The following CDC42BPA variants were observed in gnomAD, a reference collection of about 807,000 sequenced individuals.
The protein encoded by CDC42BPA is serine/threonine-protein kinase MRCK alpha.
A neutral mutation model predicts 223.5 loss-of-function variants in CDC42BPA; 80 were observed. The ratio of observed to expected loss-of-function variants is 0.36; its 90% confidence interval spans 0.30 to 0.43. The LOEUF (loss-of-function observed/expected upper bound fraction) is 0.43. CDC42BPA is among the 20% of genes least tolerant of loss of function. CDC42BPA has a pLI of 1.00. For missense variants in CDC42BPA, 1,743 were observed against 2,099.9 expected (o/e 0.83, Z 3.32); for synonymous variants, 694 against 718.6 (o/e 0.97, Z 0.55).
intron 1 of CDC42BPA, among the ~76,000 whole-genome samples, chr1:227,268,656 A>G (rs1011625139): frequency 7.9e-4 from 108 of 136,064 alleles, no homozygotes; most frequent in Non-Finnish European, 1.1e-3. Flanking sequence ...GTGTGTGTAT[A>G]TATATATATA....
chr1:227,201,238 T>A (rs1002429057), intron 3 of CDC42BPA, among the ~76,000 whole-genome samples: 2 of 152,090 alleles, frequency 1.3e-5, no homozygotes, highest in Non-Finnish European at 2.9e-5. Context: ...CCCAGGCTCC[T>A]GGGCTCAAGT....
chr1:227,027,521 T>C (rs4653477), intron 30 of CDC42BPA, among the ~76,000 whole-genome samples: 137,889 of 152,186 alleles, frequency 0.91, 62,508 homozygotes, highest in African/African-American at 0.91. Flanking sequence ...AACTTTTCCA[T>C]GTAGTTCCCT....
intron 33 of CDC42BPA, among the ~76,000 whole-genome samples, chr1:227,016,400 G>A (rs1052656722): frequency 2.0e-5 from 3 of 152,128 alleles, no homozygotes; most frequent in Non-Finnish European, 4.4e-5. Context: ...ACGATTTTAG[G>A]TGGAATAGTA....
At chr1:227,210,358 G>A (rs967089360) in intron 3 of CDC42BPA, among the ~76,000 whole-genome samples, 13 of 152,064 alleles carry the variant, frequency 8.5e-5, no homozygotes, top group African/African-American at 1.9e-4. Context: ...GTCTTATACC[G>A]TAAGGTCCTG....
At chr1:227,310,583 A>G (rs780080265) in intron 1 of CDC42BPA, among the ~76,000 whole-genome samples, 1 of 152,158 alleles carries the variant, frequency 6.6e-6, no homozygotes, top group African/African-American at 2.4e-5. Context: ...CATAGGAAGG[A>G]AGTGTGTAGA....
chr1:227,079,068 T>C (rs1680090941), intron 17 of CDC42BPA, among the ~76,000 whole-genome samples: 1 of 152,146 alleles, frequency 6.6e-6, no homozygotes, highest in African/African-American at 2.4e-5. Flanking sequence ...CTTTATAAAC[T>C]TGGATATTGT....
At chr1:227,276,114 G>A (rs1029221813) in intron 1 of CDC42BPA, among the ~76,000 whole-genome samples, 3 of 151,744 alleles carry the variant, frequency 2.0e-5, no homozygotes, top group Non-Finnish European at 4.4e-5. Context: ...TCTGGGAAGT[G>A]AGGAGCGCCT....
chr1:227,151,085 A>G (rs941258459), intron 6 of CDC42BPA, among the ~76,000 whole-genome samples: 1 of 152,146 alleles, frequency 6.6e-6, no homozygotes, highest in Non-Finnish European at 1.5e-5. Flanking sequence ...TTGTGCAACC[A>G]GTCCCCACCA....
intron 2 of CDC42BPA, among the ~76,000 whole-genome samples, chr1:227,230,728 ATTT>A (rs751458697): frequency 2.1e-4 from 32 of 150,702 alleles, no homozygotes; most frequent in Admixed American, 1.3e-3. Context: ...GCATCTATAC[ATTT>A]TTATGTGTAG....
At chr1:227,214,096 GA>G (rs1206613214) in intron 2 of CDC42BPA, among the ~76,000 whole-genome samples, 2 of 151,882 alleles carry the variant, frequency 1.3e-5, no homozygotes, top group Non-Finnish European at 2.9e-5. Context: ...TGGTGGGGAG[GA>G]AGAGAAATGC....
At chr1:227,220,307 TATATACACAC>T (rs1177165109) in intron 2 of CDC42BPA, among the ~76,000 whole-genome samples, 1,845 of 67,162 alleles carry the variant, frequency 0.027, 44 homozygotes, top group East Asian at 0.058. Context: ...TATATATATA[TATATACACAC>T]ACACACACAC....
intron 1 of CDC42BPA, among the ~76,000 whole-genome samples, chr1:227,263,559 A>T (rs1337574185): frequency 6.6e-6 from 1 of 151,294 alleles, no homozygotes; most frequent in Non-Finnish European, 1.5e-5. Context: ...AACCTTGCTG[A>T]TATCTCATTA....
rs1287004573 is a variant in CDC42BPA at position 227,219,967 on chromosome 1, CA to C, written c.271-6749del. Among the ~76,000 whole-genome samples, 4 of 150,918 alleles carry C rather than the reference CA, an allele frequency of 2.7e-5. No homozygotes were observed. In the South Asian group the frequency reaches 6.3e-4, roughly 24 times the overall value. On this transcript the variant is annotated intron_variant, in intron 2 of 36. Coordinates refer to ENST00000366766, the MANE Select transcript of CDC42BPA (RefSeq NM_001394014.1). ...GTACACACATACAGCAAGAACACACCAAAAAAAAATTTAAAAAGACACCTCA... is the reference window on the plus strand; with the variant it reads ...GTACACACATACAGCAAGAACACACCAAAAAAAATTTAAAAAGACACCTCA...
intron 5 of CDC42BPA, among the ~76,000 whole-genome samples, chr1:227,188,874 T>C (rs1037957548): frequency 1.3e-5 from 2 of 152,088 alleles, no homozygotes; most frequent in African/African-American, 4.8e-5. Context: ...TAATGAAGGG[T>C]CATTGATGTT....
intron 11 of CDC42BPA, among the ~76,000 whole-genome samples, chr1:227,124,688 G>A (rs1689234162): frequency 6.6e-6 from 1 of 152,194 alleles, no homozygotes; most frequent in African/African-American, 2.4e-5. Flanking sequence ...GACAAAGCTC[G>A]AGAGGCAAAT....
intron 27 of CDC42BPA, among the ~76,000 whole-genome samples, chr1:227,032,463 C>T (rs1400153661): frequency 1.3e-5 from 2 of 151,782 alleles, no homozygotes; most frequent in East Asian, 3.9e-4. Flanking sequence ...CCTCTATTGT[C>T]TTAATTTACC....
At position 227,031,332 on chromosome 1, in the gene CDC42BPA, G is replaced by A; in HGVS notation, c.3741C>T (p.Pro1247=). 1 of 1,613,986 alleles carries A rather than the reference G, an allele frequency of 6.2e-7. No individual in the cohort carries two copies. The highest frequency in any genetic ancestry group is 8.5e-7 in the Non-Finnish European group (1 of 1,179,912). The change falls in exon 28 of 37, where the codon CCC becomes CCT. Residue 1247 remains proline (P), a synonymous_variant. Coordinates refer to ENST00000366766, the MANE Select transcript of CDC42BPA (RefSeq NM_001394014.1). ...VPKEAYDSTL[P]LIKTTQAAAI... is the part of the protein sequence containing the mutation. Reference sequence around the variant, plus strand: ...CGGCTGCCTGGGTTGTTTTAATGAGGGGTAGAGTGCTGTCATAAGCCTCTT... The same window carrying A: ...CGGCTGCCTGGGTTGTTTTAATGAGAGGTAGAGTGCTGTCATAAGCCTCTT...
chr1:227,094,062 A>G (rs1683549695), intron 15 of CDC42BPA, among the ~76,000 whole-genome samples: 1 of 152,246 alleles, frequency 6.6e-6, no homozygotes, highest in South Asian at 2.1e-4. Context: ...CAGGCCTATG[A>G]TGACAGTTAA....
rs12567783 is a variant in CDC42BPA at position 226,999,203 on chromosome 1, G to C, written c.4976-4223C>G. On this transcript the variant is annotated intron_variant, in intron 35 of 36. Coordinates refer to ENST00000366766, the MANE Select transcript of CDC42BPA (RefSeq NM_001394014.1). ...ACTTTTTTTTTTTTTTTGAGACACA[G>C]CCTTGTTCTGTTGCCCAGGCTGGAG... Among the ~76,000 whole-genome samples the C allele has an allele frequency of 4.1e-4, 61 of 148,826 alleles. No individual in the cohort carries two copies. The South Asian group carries it at 4.7e-3, about 11-fold the overall frequency.
Sources: allele counts gnomAD v4.1 joint callset (sites outside exome capture counted in the v4.1 genomes callset), GRCh38; gene constraint gnomAD v4.1.1; transcripts MANE v1.5; gene names NCBI Gene and HGNC (gene_info 2026-07-23, HGNC 2026-07-21).